The following IQGAP2 variants were observed in gnomAD, a reference collection of about 807,000 sequenced individuals.
IQGAP2 encodes ras GTPase-activating-like protein IQGAP2.
In IQGAP2, 173 loss-of-function variants were observed where a neutral mutation model predicts 201.3. The observed-to-expected ratio is 0.86, with a 90% CI of 0.76 to 0.98. The LOEUF is 0.98. Among genes scored for constraint, IQGAP2 ranks in the 50% least tolerant of loss-of-function variants. The probability of loss-of-function intolerance (pLI) is 0.00; values close to 1 mark genes in which losing one functional copy is unlikely to be tolerated. For synonymous variants in IQGAP2, 675 were observed against 673.9 expected (o/e 1.00, Z -0.03); for missense variants, 1,687 against 1,864.8 (o/e 0.90, Z 1.76).
At chr5:76,508,700 G>GT (rs1039460750) in intron 2 of IQGAP2, among the ~76,000 whole-genome samples, 173 of 142,528 alleles carry the variant, frequency 1.2e-3, no homozygotes, top group South Asian at 3.6e-3. Context: ...GTTTTGTTTT[G>GT]TTTTTTTTTT....
chr5:76,614,065 G>A (rs567870411), intron 13 of IQGAP2, among the ~76,000 whole-genome samples: 2 of 152,322 alleles, frequency 1.3e-5, no homozygotes, highest in South Asian at 2.1e-4. Flanking sequence ...GACAAATAGA[G>A]ACAGACCTGG....
chr5:76,505,764 G>A, intron 2 of IQGAP2, among the ~76,000 whole-genome samples: 1 of 152,012 alleles, frequency 6.6e-6, no homozygotes, highest in South Asian at 2.1e-4. Flanking sequence ...TACTCTTTTG[G>A]TTCTTGTCTC....
chr5:76,546,928 CT>C (rs1433942829), intron 2 of IQGAP2, among the ~76,000 whole-genome samples: 1 of 152,078 alleles, frequency 6.6e-6, no homozygotes, highest in African/African-American at 2.4e-5. Flanking sequence ...ATGTTGGATT[CT>C]TTTTTTCTCT....
At chr5:76,701,239 G>A (rs962458918) in intron 34 of IQGAP2, 26 bp downstream of exon 34, 2 of 1,610,296 alleles carry the variant, frequency 1.2e-6, no homozygotes, top group Non-Finnish European at 1.7e-6. Flanking sequence ...AATCTGCATA[G>A]AACACGCATG....
chr5:76,673,343 G>T, intron 24 of IQGAP2, 106 bp from the exon 25 acceptor site: 1 of 1,164,342 alleles, frequency 8.6e-7, no homozygotes, highest in Non-Finnish European at 1.2e-6. Flanking sequence ...GGAGTCAGTG[G>T]CAAAGTCCAA....
At chr5:76,531,027 T>C (rs1018507633) in intron 2 of IQGAP2, among the ~76,000 whole-genome samples, 27 of 152,218 alleles carry the variant, frequency 1.8e-4, no homozygotes, top group African/African-American at 5.8e-4. Context: ...TTAGTCCATT[T>C]TGTGCTGCTA....
At chr5:76,496,010 T>C (rs1756873410) in intron 2 of IQGAP2, among the ~76,000 whole-genome samples, 1 of 152,148 alleles carries the variant, frequency 6.6e-6, no homozygotes, top group East Asian at 1.9e-4. Flanking sequence ...ACAAAGCTCT[T>C]AGCACAGAGT....
intron 2 of IQGAP2, among the ~76,000 whole-genome samples, chr5:76,505,607 T>C (rs531961268): frequency 3.9e-5 from 6 of 152,318 alleles, no homozygotes; most frequent in African/African-American, 1.4e-4. Context: ...GCTGTAGAGC[T>C]AGATCAGAGA....
At chr5:76,424,645 A>G (rs1162396241) in intron 1 of IQGAP2, among the ~76,000 whole-genome samples, 2 of 152,210 alleles carry the variant, frequency 1.3e-5, no homozygotes, top group African/African-American at 4.8e-5. Flanking sequence ...TAGGAAAAAC[A>G]TGAGATATAA....
chr5:76,555,979 A>G (rs1048249620), intron 2 of IQGAP2, among the ~76,000 whole-genome samples: 2 of 152,106 alleles, frequency 1.3e-5, no homozygotes, highest in African/African-American at 4.8e-5. Flanking sequence ...AAGGAGCTAC[A>G]TTGTCTGGGG....
intron 21 of IQGAP2, among the ~76,000 whole-genome samples, chr5:76,661,575 C>G (rs1351548303): frequency 6.6e-6 from 1 of 152,128 alleles, no homozygotes; most frequent in Non-Finnish European, 1.5e-5. Context: ...TACTTCACTG[C>G]TTATATTAAC....
chr5:76,643,180 T>C (rs1310677312), intron 17 of IQGAP2, among the ~76,000 whole-genome samples: 4 of 152,142 alleles, frequency 2.6e-5, no homozygotes, highest in African/African-American at 9.7e-5. Flanking sequence ...AGGAATTTGA[T>C]AAGACATGGA....
At chr5:76,589,128 A>ACG (rs397765453) in intron 6 of IQGAP2, among the ~76,000 whole-genome samples, 155 bp downstream of exon 6, 5 of 149,908 alleles carry the variant, frequency 3.3e-5, no homozygotes, top group Admixed American at 6.6e-5. Flanking sequence ...CCTGACTAAC[A>ACG]GTGAAACCCC....
chr5:76,432,957 T>G (rs1231591276), intron 1 of IQGAP2, among the ~76,000 whole-genome samples: 5 of 152,166 alleles, frequency 3.3e-5, no homozygotes, highest in Non-Finnish European at 5.9e-5. Context: ...TTCCTCACAT[T>G]TGTAAAATGG....
intron 5 of IQGAP2, among the ~76,000 whole-genome samples, chr5:76,580,126 A>G (rs1745738444): frequency 6.6e-6 from 1 of 152,144 alleles, no homozygotes; most frequent in South Asian, 2.1e-4. Flanking sequence ...AAATACAAAA[A>G]TTAGCCAGGT....
At chr5:76,461,898 T>C (rs1049314002) in intron 2 of IQGAP2, among the ~76,000 whole-genome samples, 1 of 152,228 alleles carries the variant, frequency 6.6e-6, no homozygotes, top group Admixed American at 6.5e-5. Context: ...CTCCACACTC[T>C]GCTCCACTCC....
At chr5:76,503,393 A>G (rs895959235) in intron 2 of IQGAP2, among the ~76,000 whole-genome samples, 1 of 149,832 alleles carries the variant, frequency 6.7e-6, no homozygotes, top group African/African-American at 2.5e-5. Flanking sequence ...CAGGCTGGTC[A>G]CAAACTCCTG....
At chr5:76,445,695 C>CT (rs1309038310) in intron 1 of IQGAP2, among the ~76,000 whole-genome samples, 1 of 152,142 alleles carries the variant, frequency 6.6e-6, no homozygotes, top group Non-Finnish European at 1.5e-5. Flanking sequence ...GAACTCCTGA[C>CT]TTCAGGTGAT....
chr5:76,654,157 CT>C (rs1752725543), intron 18 of IQGAP2, 42 bp from the exon 19 acceptor site: 1 of 1,378,066 alleles, frequency 7.3e-7, no homozygotes, highest in Non-Finnish European at 1.0e-6. Flanking sequence ...TGACTTTTCT[CT>C]TTATTTTTTG....
Sources: gnomAD v4.1 joint callset for allele counts (sites outside exome capture counted in the v4.1 genomes callset) on GRCh38, gnomAD v4.1.1 for gene constraint, MANE v1.5 for transcripts, NCBI Gene and HGNC (gene_info 2026-07-23, HGNC 2026-07-21) for gene names.